Variants in DOK6 observed in about 807,000 individuals in gnomAD.
DOK6 encodes downstream of tyrosine kinase 6.
In DOK6, 22 loss-of-function variants were observed where a neutral mutation model predicts 44.0. The ratio of observed to expected loss-of-function variants is 0.50; its 90% CI spans 0.36 to 0.71. The LOEUF (loss-of-function observed/expected upper bound fraction) is 0.71. DOK6 is among the 30% of genes least tolerant of loss of function. The probability of loss-of-function intolerance (pLI) is 0.00; values close to 1 mark genes in which losing one functional copy is unlikely to be tolerated. For missense variants in DOK6, 340 were observed against 416.4 expected (o/e 0.82, Z 1.60); for synonymous variants, 166 against 145.5 (o/e 1.14, Z -1.01).
At chr18:69,569,186 T>C (rs1983056991) in intron 2 of DOK6, among the ~76,000 whole-genome samples, 1 of 152,030 alleles carries the variant, frequency 6.6e-6, no homozygotes, top group South Asian at 2.1e-4. Context: ...AAATCTAGGC[T>C]GCCAGAAAGG....
At chr18:69,477,417 T>C (rs964293041) in intron 1 of DOK6, among the ~76,000 whole-genome samples, 7 of 152,224 alleles carry the variant, frequency 4.6e-5, no homozygotes, top group Admixed American at 4.6e-4. Flanking sequence ...AATAAAGCTA[T>C]GTCTCTAATT....
At chr18:69,746,687 T>C (rs1003345280) in intron 6 of DOK6, among the ~76,000 whole-genome samples, 2 of 152,226 alleles carry the variant, frequency 1.3e-5, no homozygotes, top group Non-Finnish European at 2.9e-5. Context: ...TATTTGTCAT[T>C]CTGGTACAGA....
intron 3 of DOK6, among the ~76,000 whole-genome samples, chr18:69,639,340 C>A (rs1568318582): frequency 6.6e-6 from 1 of 152,168 alleles, no homozygotes; most frequent in Admixed American, 6.5e-5. Flanking sequence ...GGACCTTCTG[C>A]AGCTTGAAAA....
At chr18:69,581,278 T>C (rs996156143) in intron 2 of DOK6, among the ~76,000 whole-genome samples, 3 of 152,182 alleles carry the variant, frequency 2.0e-5, no homozygotes, top group African/African-American at 7.2e-5. Flanking sequence ...TTGTTTGCTG[T>C]GGCTCATCAC....
chr18:69,772,162 T>G (rs533206181), intron 7 of DOK6, among the ~76,000 whole-genome samples: 1 of 151,758 alleles, frequency 6.6e-6, no homozygotes, highest in Non-Finnish European at 1.5e-5. Context: ...AGAATGAGAC[T>G]CCATCTCTAA....
At chr18:69,793,463 G>T (rs1254892237) in intron 7 of DOK6, among the ~76,000 whole-genome samples, 2 of 152,152 alleles carry the variant, frequency 1.3e-5, no homozygotes, top group African/African-American at 4.8e-5. Flanking sequence ...GTTTCATAAA[G>T]TGACAATGCT....
intron 3 of DOK6, among the ~76,000 whole-genome samples, chr18:69,647,104 GTCTA>G (rs1289393141): frequency 9.5e-5 from 11 of 115,292 alleles, no homozygotes; most frequent in East Asian, 4.4e-4. Context: ...TATCCTATCT[GTCTA>G]TCTATCCTAT....
At chr18:69,761,592 A>T (rs1304335734) in intron 7 of DOK6, among the ~76,000 whole-genome samples, 1 of 152,030 alleles carries the variant, frequency 6.6e-6, no homozygotes, top group Non-Finnish European at 1.5e-5. Context: ...GGTCGGGTGG[A>T]TCTTGGCTCC....
chr18:69,749,784 C>CA (rs773201819), intron 6 of DOK6, among the ~76,000 whole-genome samples: 68 of 151,022 alleles, frequency 4.5e-4, no homozygotes, highest in Admixed American at 1.3e-3. Flanking sequence ...TCTAAAAATA[C>CA]AAAAAAAATT....
At chr18:69,833,589 A>G (rs60079419) in intron 7 of DOK6, among the ~76,000 whole-genome samples, 18,270 of 152,214 alleles carry the variant, frequency 0.12, 1,123 homozygotes, top group East Asian at 0.16. Context: ...GCTTCTGCAC[A>G]GCAAAGGAAA....
chr18:69,507,275 C>T (rs1434997185), intron 1 of DOK6, among the ~76,000 whole-genome samples: 1 of 152,170 alleles, frequency 6.6e-6, no homozygotes, highest in Non-Finnish European at 1.5e-5. Context: ...GATCCGCCCA[C>T]CTCGGCCTCC....
chr18:69,505,491 C>CTTTTTTTT (rs772908185), intron 1 of DOK6, among the ~76,000 whole-genome samples: 2 of 88,570 alleles, frequency 2.3e-5, no homozygotes, highest in Non-Finnish European at 4.2e-5. Flanking sequence ...TACTCCCATT[C>CTTTTTTTT]TTTTTTTTTT....
intron 7 of DOK6, among the ~76,000 whole-genome samples, chr18:69,833,689 A>G (rs1981964972): frequency 6.6e-6 from 1 of 152,196 alleles, no homozygotes; most frequent in South Asian, 2.1e-4. Flanking sequence ...ACCAGAATAT[A>G]TAAATAACTC....
chr18:69,443,556 C>G (rs1445751931), intron 1 of DOK6, among the ~76,000 whole-genome samples: 1 of 152,126 alleles, frequency 6.6e-6, no homozygotes, highest in Non-Finnish European at 1.5e-5. Context: ...AAACTGTCAT[C>G]TTTGTTCTGT....
intron 3 of DOK6, among the ~76,000 whole-genome samples, chr18:69,611,094 C>T (rs1050019220): frequency 1.7e-4 from 3 of 17,626 alleles, no homozygotes; most frequent in Non-Finnish European, 1.3e-3. Context: ...ATTAAAATTA[C>T]AAAAAAGAAA....
intron 2 of DOK6, among the ~76,000 whole-genome samples, chr18:69,580,492 T>C (rs1033740315): frequency 2.6e-5 from 4 of 152,222 alleles, no homozygotes; most frequent in African/African-American, 7.2e-5. Context: ...CAGGCATGCC[T>C]GGGGAATCTT....
At chr18:69,482,236 C>G (rs1355948578) in intron 1 of DOK6, among the ~76,000 whole-genome samples, 2 of 152,100 alleles carry the variant, frequency 1.3e-5, no homozygotes, top group African/African-American at 4.8e-5. Context: ...AATTAGATCC[C>G]ATTTGTCAAT....
chr18:69,659,566 C>T (rs1392869543), intron 3 of DOK6, among the ~76,000 whole-genome samples: 4 of 152,008 alleles, frequency 2.6e-5, no homozygotes, highest in African/African-American at 9.7e-5. Flanking sequence ...CAAGGGCACT[C>T]GGGACATGAG....
rs377611827 is a variant in DOK6, at chr18:69,522,233, TAC to T, written c.67-42241_67-42240del. ...CCACACACACACACACCCACACACA[TAC>T]ACACACACACACGAGTTACCCATTG... On this transcript the variant is annotated intron_variant, in intron 1 of 7. Transcript: ENST00000382713. Among the ~76,000 whole-genome samples, 3 of 150,704 alleles carry T rather than the reference TAC, an allele frequency of 2.0e-5. 1 individual carries two copies. Among genetic ancestry groups the T allele is most frequent in the Non-Finnish European group, 4.5e-5 (3 of 67,408 alleles).
Sources: allele counts gnomAD v4.1 joint callset (sites outside exome capture counted in the v4.1 genomes callset), GRCh38; gene constraint gnomAD v4.1.1; transcripts MANE v1.5; gene names NCBI Gene and HGNC (gene_info 2026-07-23, HGNC 2026-07-21).